ZMYM6: variants seen among roughly 807,000 people sequenced by gnomAD.
ZMYM6 encodes the protein zinc finger MYM-type protein 6.
In ZMYM6, 90 loss-of-function variants were observed where a neutral mutation model predicts 134.0. The ratio of observed to expected loss-of-function variants is 0.67; its 90% confidence interval spans 0.57 to 0.80. The LOEUF is 0.80. Among genes scored for constraint, ZMYM6 ranks in the 30% least tolerant of loss-of-function variants. The pLI is 0.00. For missense variants in ZMYM6, 1,362 were observed against 1,533.9 expected (o/e 0.89, Z 1.87); for synonymous variants, 481 against 524.1 (o/e 0.92, Z 1.12).
In ZMYM6 at chr1:34,988,518, G is replaced by C; in HGVS notation, c.2564C>G (p.Pro855Arg). The C allele has an allele frequency of 1.9e-6, 3 of 1,550,918 alleles. No homozygotes were observed. Among genetic ancestry groups the C allele is most frequent in the Non-Finnish European group, 2.6e-6 (3 of 1,146,758 alleles). The change falls in exon 16 of 16, where the codon CCA becomes CGA. Residue 855 changes from proline (P) to arginine (R), a missense_variant. Physicochemically the swap from Pro to Arg is moderately radical, Grantham distance 103 (BLOSUM62 -2). Coordinates refer to ENST00000357182, the MANE Select transcript of ZMYM6 (RefSeq NM_007167.4). The part of the protein sequence containing the change: ...PFSIAEELIK[P>R]YLVEMCSEVL... Reference sequence around the variant, plus strand: ...TTCTGAACACATTTCTACTAAATATGGTTTAATTAATTCTTCAGCAATGGA... The same window carrying C: ...TTCTGAACACATTTCTACTAAATATCGTTTAATTAATTCTTCAGCAATGGA...
chr1:35,012,384 T>A, intron 7 of ZMYM6, 47 bp downstream of exon 7: 3 of 1,373,232 alleles, frequency 2.2e-6, no homozygotes, highest in Non-Finnish European at 1.9e-6. Context: ...GTTACGTTTT[T>A]CTTCAATAGT....
intron 14 of ZMYM6, among the ~76,000 whole-genome samples, chr1:35,000,002 C>G (rs375438390): frequency 5.3e-5 from 8 of 152,020 alleles, no homozygotes; most frequent in South Asian, 2.1e-4. Context: ...GATCTCAGCT[C>G]ACCGCGGCCT....
chr1:34,999,661 A>G (rs566068404), intron 14 of ZMYM6, among the ~76,000 whole-genome samples: 3 of 152,358 alleles, frequency 2.0e-5, no homozygotes, highest in South Asian at 2.1e-4. Context: ...CAGAAATATA[A>G]GCAAACCTAC....
In ZMYM6 at chr1:35,010,739, T is replaced by C; in HGVS notation, c.1341+19A>G. On this transcript the variant is annotated intron_variant, in intron 9 of 15. Transcript: ENST00000357182. ...ACTGGATGAGTTTATATACAATCCCTTTCATGATCTCTCTTTACCTTGTAA... is the reference window on the plus strand; with the variant it reads ...ACTGGATGAGTTTATATACAATCCCCTTCATGATCTCTCTTTACCTTGTAA... The C allele has an allele frequency of 6.5e-7, 1 of 1,539,280 alleles. No individual in the cohort carries two copies.
rs1056558644 is a variant in ZMYM6, at chr1:34,986,621, A to G, written c.*483T>C. ...GCTACTTGGAAGGCTGAGGCAGGAG[A>G]ATTGTTTGAACCTAGGAGGCAGAGG... On this transcript the variant is annotated 3_prime_UTR_variant, in exon 16 of 16. Coordinates refer to ENST00000357182, the MANE Select transcript of ZMYM6 (RefSeq NM_007167.4). 2.6e-5 allele frequency: 4 copies of G among 152,332 alleles called. No individual in the cohort carries two copies. The highest frequency in any genetic ancestry group is 2.6e-4 in the Admixed American group (4 of 15,264). 9.4% of individuals were successfully genotyped at this position (152,332 alleles called of 1,614,324 possible). A position where few individuals can be genotyped will look rare whatever the true frequency, so the allele number is the denominator to read the frequency against.
chr1:35,016,004 G>A (rs1448691269), intron 4 of ZMYM6, among the ~76,000 whole-genome samples: 1 of 146,428 alleles, frequency 6.8e-6, no homozygotes, highest in Non-Finnish European at 1.5e-5. Context: ...CTGGAGTGCA[G>A]TGTCACGATC....
At chr1:35,025,761 G>T (rs1177122321) in intron 2 of ZMYM6, among the ~76,000 whole-genome samples, 1 of 152,132 alleles carries the variant, frequency 6.6e-6, no homozygotes, top group Non-Finnish European at 1.5e-5. Flanking sequence ...TTGGGCTCTT[G>T]AATCAGACTG....
At chr1:35,001,075 T>C (rs550062310) in intron 14 of ZMYM6, among the ~76,000 whole-genome samples, 10 of 152,302 alleles carry the variant, frequency 6.6e-5, no homozygotes, top group African/African-American at 2.2e-4. Flanking sequence ...ATTGCAACCA[T>C]AGAGCCTGCA....
rs1222998108 is a variant in ZMYM6, at chr1:34,992,762, A to G, written c.1993-375T>C. 6.0e-4 allele frequency among the ~76,000 whole-genome samples: 86 copies of G among 142,512 alleles called. 1 individual carries two copies. The highest frequency in any genetic ancestry group is 1.7e-3 in the African/African-American group (65 of 37,832). 93.5% of individuals were successfully genotyped at this position (142,512 alleles called of 152,430 possible). On this transcript the variant is annotated intron_variant, in intron 14 of 15. Coordinates refer to ENST00000357182, the MANE Select transcript of ZMYM6 (RefSeq NM_007167.4). ...AAACTATAAATATAAAAATATACTT[A>G]TAAACTATAAATATAAAAATATACT...
intron 2 of ZMYM6, among the ~76,000 whole-genome samples, chr1:35,025,933 A>T (rs1458529594): frequency 2.0e-5 from 3 of 152,238 alleles, no homozygotes; most frequent in Non-Finnish European, 4.4e-5. Flanking sequence ...GCTCACAACA[A>T]TGTTCAAGTA....
chr1:34,988,295 A>T lies in ZMYM6; in HGVS notation c.2787T>A (p.Arg929=). The T allele has an allele frequency of 5.8e-6, 9 of 1,550,956 alleles. No individual in the cohort carries two copies. The highest frequency in any genetic ancestry group is 7.9e-6 in the Non-Finnish European group (9 of 1,146,474). Reference sequence around the variant, plus strand: ...CATCACGACAATCATAATCAATGAAACGAATATAGCACAAAAGAAGTGTGA... The same window carrying T: ...CATCACGACAATCATAATCAATGAATCGAATATAGCACAAAAGAAGTGTGA... ...SNITLLLCYI[R]FIDYDCRDVK... The change falls in exon 16 of 16, where the codon CGT becomes CGA. Residue 929 remains arginine, a synonymous_variant. Coordinates refer to ENST00000357182, the MANE Select transcript of ZMYM6 (RefSeq NM_007167.4).
At position 34,987,243 on chromosome 1, in the gene ZMYM6, G is replaced by T. The variant is rs773463055; in HGVS notation, c.3839C>A (p.Thr1280Asn). 6.2e-7 allele frequency: 1 copy of T among 1,613,510 alleles called. No homozygotes were observed. The highest frequency in any genetic ancestry group is 1.1e-5 in the South Asian group (1 of 90,828). ...RAMKFLLPFS[T>N]VYLCDAAFSA... is the part of the protein sequence containing the mutation. Reference sequence around the variant, plus strand: ...AAAGGCAGCATCACATAAATAAACAGTTGAAAAGGGTAATAAAAATTTCAT... The same window carrying T: ...AAAGGCAGCATCACATAAATAAACATTTGAAAAGGGTAATAAAAATTTCAT... Residue 1280 changes from threonine (T) to asparagine (N), a missense_variant, in exon 16 of 16, where the codon ACT becomes AAT. Around this residue, in one of 3 missense-constraint regions of ZMYM6, gnomAD observed 824 missense variants for 940.9 expected, o/e 0.88. Transcript: ENST00000357182.
chr1:35,028,792 C>G lies in ZMYM6; in HGVS notation c.93+1755G>C, dbSNP rs1296962384. Among the ~76,000 whole-genome samples, 6 of 152,088 alleles carry G rather than the reference C, an allele frequency of 3.9e-5. No homozygotes were observed. The South Asian group carries it at 6.2e-4, about 16-fold the overall frequency. On this transcript the variant is annotated intron_variant, in intron 2 of 15. Transcript: ENST00000357182. The stretch of plus-strand genomic sequence containing the variant: ...AGGATTACAGACGTGAGCCACTGTG[C>G]CCAGCCTCCACATTGATTTCCGTGC...
In ZMYM6 at chr1:35,005,136, T is replaced by C. The variant is rs561412781; in HGVS notation, c.1950A>G (p.Leu650=). The change falls in exon 13 of 16, where the codon TTA becomes TTG. Residue 650 remains leucine, a synonymous_variant. Coordinates refer to ENST00000357182, the MANE Select transcript of ZMYM6 (RefSeq NM_007167.4). ...TLSTGNTNSV[L]KGAVTKEAAK... is the part of the protein sequence containing the mutation. ...TGCCATTATATCAAGTCATACCTTT[T>C]AAAACACTGTTAGTGTTCCCTGTAG... 1.7e-5 allele frequency: 28 copies of C among 1,614,064 alleles called. 1 individual carries two copies. The South Asian group carries it at 2.7e-4, about 16-fold the overall frequency.
At chr1:35,025,466 C>CAA (rs1161814959) in intron 2 of ZMYM6, among the ~76,000 whole-genome samples, 169 of 54,670 alleles carry the variant, frequency 3.1e-3, no homozygotes, top group East Asian at 5.1e-3. Context: ...GACTCCATCC[C>CAA]AAAAAAAAAA....
At chr1:35,013,864 G>A (rs537832326) in intron 6 of ZMYM6, 4 of 168,960 alleles carry the variant, frequency 2.4e-5, no homozygotes, top group Admixed American at 2.0e-4. Flanking sequence ...GCTAATTTTT[G>A]TATTTTCAGT....
intron 14 of ZMYM6, among the ~76,000 whole-genome samples, chr1:34,994,610 T>C (rs1245175695): frequency 6.6e-6 from 1 of 152,138 alleles, no homozygotes; most frequent in Admixed American, 6.6e-5. Context: ...ATTTTAAATG[T>C]GATGGGAAGC....
Position 34,988,666 on chromosome 1 carries a change from G to C in ZMYM6, c.2416C>G (p.Gln806Glu). ...LENKPVDFFE[Q>E]KSLEMECQNS... ...TGACATTCCATTTCTAAAGATTTTTGTTCAAAAAAATCTACTGGTTTGTTT... is the reference window on the plus strand; with the variant it reads ...TGACATTCCATTTCTAAAGATTTTTCTTCAAAAAAATCTACTGGTTTGTTT... Residue 806 changes from glutamine to glutamate, a missense_variant, in exon 16 of 16, where the codon CAA becomes GAA. Physicochemically the swap from Gln to Glu is conservative, Grantham distance 29 (BLOSUM62 2). Transcript: ENST00000357182. 4 of 1,546,136 alleles carry C rather than the reference G, an allele frequency of 2.6e-6. No individual in the cohort carries two copies. The highest frequency in any genetic ancestry group is 2.4e-5 in the South Asian group (2 of 82,206).
Position 34,988,050 on chromosome 1 carries a change from A to C in ZMYM6, c.3032T>G (p.Phe1011Cys), listed in dbSNP as rs61744853. The change falls in exon 16 of 16, where the codon TTT becomes TGT. Residue 1011 changes from phenylalanine (F) to cysteine (C), a missense_variant. Physicochemically the swap from Phe to Cys is radical, Grantham distance 205. Coordinates refer to ENST00000357182, the MANE Select transcript of ZMYM6 (RefSeq NM_007167.4). ...TGCCACTAAACGTTCACGGTGAATAAAACAATGTGTAAATGCCGCTGTATT... is the reference window on the plus strand; with the variant it reads ...TGCCACTAAACGTTCACGGTGAATACAACAATGTGTAAATGCCGCTGTATT... Reference protein sequence around the residue: ...AMNTAAFTHCFIHRERLVAEK... With the variant: ...AMNTAAFTHCCIHRERLVAEK... 10,222 of 1,551,608 alleles carry C rather than the reference A, an allele frequency of 6.6e-3. 49 individuals are homozygous for C. Among genetic ancestry groups the C allele is most frequent in the Non-Finnish European group, 8.3e-3 (9,519 of 1,146,978 alleles).
Sources: allele counts gnomAD v4.1 joint callset (sites outside exome capture counted in the v4.1 genomes callset), GRCh38; gene constraint gnomAD v4.1.1; regional missense constraint gnomAD v4.1.1; transcripts MANE v1.5; gene names NCBI Gene and HGNC (gene_info 2026-07-23, HGNC 2026-07-21).